Variants in PLEKHA7 observed in about 807,000 individuals in gnomAD.
PLEKHA7 encodes pleckstrin homology domain-containing family A member 7.
In PLEKHA7, 104 loss-of-function variants were observed where a neutral mutation model predicts 170.0. The ratio of observed to expected loss-of-function variants is 0.61; its 90% CI spans 0.52 to 0.72. The LOEUF (loss-of-function observed/expected upper bound fraction) is 0.72. PLEKHA7 is among the 30% of genes least tolerant of loss of function. PLEKHA7 has a pLI of 0.00. For synonymous variants in PLEKHA7, 648 were observed against 660.8 expected (o/e 0.98, Z 0.30); for missense variants, 1,615 against 1,671.7 (o/e 0.97, Z 0.59).
At chr11:16,858,800 G>T (rs970768762) in intron 4 of PLEKHA7, among the ~76,000 whole-genome samples, 6 of 152,098 alleles carry the variant, frequency 3.9e-5, no homozygotes, top group African/African-American at 1.4e-4. Context: ...CCTAAAAAAA[G>T]ATTTTTAAAT....
At chr11:16,988,627 T>C (rs1863868475) in intron 3 of PLEKHA7, among the ~76,000 whole-genome samples, 1 of 150,908 alleles carries the variant, frequency 6.6e-6, no homozygotes, top group Non-Finnish European at 1.5e-5. Flanking sequence ...TTTGTATTTT[T>C]AGTAGAGACA....
At chr11:17,005,489 G>A (rs1399238041) in intron 3 of PLEKHA7, among the ~76,000 whole-genome samples, 1 of 152,154 alleles carries the variant, frequency 6.6e-6, no homozygotes, top group Non-Finnish European at 1.5e-5. Flanking sequence ...CTGAGATCAT[G>A]CCACTGCAGT....
At chr11:16,894,375 C>T (rs929448222) in intron 3 of PLEKHA7, among the ~76,000 whole-genome samples, 2 of 152,264 alleles carry the variant, frequency 1.3e-5, no homozygotes, top group African/African-American at 4.8e-5. Flanking sequence ...AGGAAGAAGG[C>T]TCCTGACCCA....
At chr11:16,964,777 G>A (rs1862268834) in intron 3 of PLEKHA7, among the ~76,000 whole-genome samples, 1 of 152,122 alleles carries the variant, frequency 6.6e-6, no homozygotes, top group East Asian at 1.9e-4. Flanking sequence ...CTTAGATACT[G>A]GGGGACACCA....
chr11:16,973,891 CA>C (rs1189021083), intron 3 of PLEKHA7, among the ~76,000 whole-genome samples: 16 of 152,166 alleles, frequency 1.1e-4, no homozygotes, highest in Admixed American at 1.0e-3. Flanking sequence ...CCCTGTGGAC[CA>C]GCCCAGTCCT....
chr11:16,803,516 A>G, intron 13 of PLEKHA7: 2 of 546,278 alleles, frequency 3.7e-6, no homozygotes, highest in Non-Finnish European at 6.6e-6. Flanking sequence ...TAATGCTGGT[A>G]AGTCCTTTGA....
chr11:16,783,679 C>T (rs739936), intron 25 of PLEKHA7, 21 bp downstream of exon 25: 302,599 of 1,391,708 alleles, frequency 0.22, 35,910 homozygotes, highest in Non-Finnish European at 0.24. Context: ...CCTGCCAACA[C>T]TTGAGCAAGC....
chr11:16,893,710 C>A (rs1274827300), intron 3 of PLEKHA7, among the ~76,000 whole-genome samples: 1 of 152,188 alleles, frequency 6.6e-6, no homozygotes, highest in Non-Finnish European at 1.5e-5. Flanking sequence ...GAATGACCCA[C>A]ATAAATCCTG....
intron 3 of PLEKHA7, among the ~76,000 whole-genome samples, chr11:16,914,459 C>G (rs1451583308): frequency 6.6e-6 from 1 of 152,186 alleles, no homozygotes; most frequent in Non-Finnish European, 1.5e-5. Flanking sequence ...CAAAATGGCC[C>G]TGCGTACCCA....
intron 4 of PLEKHA7, among the ~76,000 whole-genome samples, chr11:16,865,298 T>C (rs1368128019): frequency 6.6e-6 from 1 of 152,224 alleles, no homozygotes; most frequent in Non-Finnish European, 1.5e-5. Context: ...CCATGAGGCA[T>C]TTTCACAAAC....
chr11:16,932,227 T>A (rs556718845), intron 3 of PLEKHA7, among the ~76,000 whole-genome samples: 1 of 151,956 alleles, frequency 6.6e-6, no homozygotes, highest in South Asian at 2.1e-4. Flanking sequence ...AATGGTATAA[T>A]AGCATGGGAC....
At position 16,800,113 on chromosome 11, in the gene PLEKHA7, T is replaced by C. The variant is rs1218313642; in HGVS notation, c.2409+861A>G. ...AAAAGTGGCCCAGCAAGGTGCCTCATACACAAGAAGCCTCAATTAATGCTT... is the reference window on the plus strand; with the variant it reads ...AAAAGTGGCCCAGCAAGGTGCCTCACACACAAGAAGCCTCAATTAATGCTT... On this transcript the variant is annotated intron_variant, in intron 17 of 26. Coordinates refer to ENST00000531066, the MANE Select transcript of PLEKHA7 (RefSeq NM_001329630.2). Among the ~76,000 whole-genome samples the C allele has an allele frequency of 2.8e-4, 43 of 152,338 alleles. 1 individual carries two copies.
intron 3 of PLEKHA7, among the ~76,000 whole-genome samples, chr11:16,918,905 A>AT (rs1404589065): frequency 6.6e-6 from 1 of 152,172 alleles, no homozygotes; most frequent in Non-Finnish European, 1.5e-5. Context: ...TAAAAAAAAA[A>AT]CTATTAAGAA....
At chr11:16,841,757 G>A (rs1851983673) in intron 8 of PLEKHA7, 35 bp from the exon 9 acceptor site, 1 of 1,599,764 alleles carries the variant, frequency 6.3e-7, no homozygotes, top group Non-Finnish European at 8.5e-7. Context: ...GTCAGAGGGA[G>A]GTTATCACAC....
chr11:17,007,248 T>C (rs532187615), intron 3 of PLEKHA7, among the ~76,000 whole-genome samples: 15 of 152,328 alleles, frequency 9.8e-5, no homozygotes, highest in African/African-American at 3.4e-4. Context: ...TATTCTACAA[T>C]ATAGAAATAA....
At chr11:16,886,688 G>GTGA (rs1856131566) in intron 3 of PLEKHA7, among the ~76,000 whole-genome samples, 1 of 145,988 alleles carries the variant, frequency 6.8e-6, no homozygotes, top group South Asian at 2.2e-4. Flanking sequence ...TCCAGCCTGG[G>GTGA]TGACACAGCG....
intron 3 of PLEKHA7, among the ~76,000 whole-genome samples, chr11:16,932,456 A>G (rs976006709): frequency 2.0e-5 from 3 of 151,342 alleles, no homozygotes; most frequent in African/African-American, 7.3e-5. Context: ...TAATTTTTCA[A>G]TTTTTTTTGG....
intron 3 of PLEKHA7, among the ~76,000 whole-genome samples, chr11:16,948,649 AACACACAC>A (rs113101282): frequency 6.5e-5 from 6 of 92,804 alleles, no homozygotes; most frequent in African/African-American, 1.4e-4. Context: ...GTGAAGGAGG[AACACACAC>A]ACACACACAC....
intron 7 of PLEKHA7, 99 bp downstream of exon 7, chr11:16,852,184 G>A (rs2135424992): frequency 1.0e-6 from 1 of 980,656 alleles, no homozygotes; most frequent in South Asian, 1.6e-5. Context: ...CCAACAGATT[G>A]AACTTCCTGT....
Sources: allele counts gnomAD v4.1 joint callset (sites outside exome capture counted in the v4.1 genomes callset), GRCh38; gene constraint gnomAD v4.1.1; transcripts MANE v1.5; gene names NCBI Gene and HGNC (gene_info 2026-07-23, HGNC 2026-07-21).